The following ACCSL variants were observed in gnomAD, a reference collection of about 807,000 sequenced individuals.
ACCSL encodes the protein 1-aminocyclopropane-1-carboxylate synthase homolog (inactive) like, also known as probable inactive 1-aminocyclopropane-1-carboxylate synthase-like protein 2.
ACCSL carries 55 observed loss-of-function variants against 61.7 expected under a neutral mutation model. The observed-to-expected ratio is 0.89, with a 90% CI of 0.72 to 1.12. ACCSL has a LOEUF of 1.12. Among genes scored for constraint, ACCSL ranks in the 50% most tolerant of loss-of-function variants. The pLI is 0.00. For synonymous variants in ACCSL, 258 were observed against 264.3 expected, an observed-to-expected ratio of 0.98 and a Z score of 0.23; for missense variants, 632 against 698.0, an observed-to-expected ratio of 0.91 and a Z score of 1.07.
chr11:43,929,138 C>T, the ACCSL span, among the ~76,000 whole-genome samples: 1 of 152,260 alleles, frequency 6.6e-6, no homozygotes, highest in African/African-American at 2.4e-5. Flanking sequence ...CAAAATGTAT[C>T]CGTCTCAGTA....
the ACCSL span, among the ~76,000 whole-genome samples, chr11:43,935,446 A>T: frequency 0.018 from 2,786 of 152,286 alleles, 83 homozygotes; most frequent in African/African-American, 0.064. Context: ...CTGGCCTTGA[A>T]TGCTGGCTTC....
At chr11:43,967,164 C>CTTTTTTT in the ACCSL span, among the ~76,000 whole-genome samples, 1 of 68,882 alleles carries the variant, frequency 1.5e-5, no homozygotes, top group African/African-American at 6.0e-5. Flanking sequence ...TCTTCTTCTT[C>CTTTTTTT]TTCTTTTTTT....
At chr11:44,031,425 C>G in the ACCSL span, among the ~76,000 whole-genome samples, 1 of 152,094 alleles carries the variant, frequency 6.6e-6, no homozygotes, top group East Asian at 1.9e-4. Flanking sequence ...TGAAGATGCT[C>G]GTTTTTCCTA....
At chr11:44,052,801 T>C (rs1225962178) in intron 6 of ACCSL, 42 bp downstream of exon 6, 1 of 1,573,418 alleles carries the variant, frequency 6.4e-7, no homozygotes, top group Admixed American at 1.7e-5. Context: ...GCCTAGACAA[T>C]GGACTGTTCT....
the ACCSL span, among the ~76,000 whole-genome samples, chr11:44,003,531 T>A: frequency 4.1e-3 from 627 of 151,588 alleles, 6 homozygotes; most frequent in African/African-American, 0.014. Flanking sequence ...TGCATGCCTG[T>A]AATCGGGAGG....
the ACCSL span, among the ~76,000 whole-genome samples, chr11:43,961,701 T>TTCTCTCTCTCTCTC: frequency 1.4e-3 from 205 of 151,142 alleles, 1 homozygote; most frequent in Non-Finnish European, 1.8e-3. Context: ...TATTGTTTTG[T>TTCTCTCTCTCTCTC]TCTCTCTCTC....
At chr11:43,974,900 C>G in the ACCSL span, among the ~76,000 whole-genome samples, 3 of 152,126 alleles carry the variant, frequency 2.0e-5, no homozygotes, top group African/African-American at 7.2e-5. Flanking sequence ...AAAGAGCAGC[C>G]CCCAAATTCC....
the ACCSL span, among the ~76,000 whole-genome samples, chr11:44,005,878 G>A: frequency 6.6e-6 from 1 of 152,210 alleles, no homozygotes; most frequent in Non-Finnish European, 1.5e-5. Context: ...GGGTCAAATA[G>A]CTGCTAAGTG....
chr11:44,020,192 T>C, the ACCSL span, among the ~76,000 whole-genome samples: 1 of 152,228 alleles, frequency 6.6e-6, no homozygotes, highest in African/African-American at 2.4e-5. Context: ...CTGCAACTTG[T>C]TGCATGTTTA....
At chr11:44,005,435 G>A in the ACCSL span, among the ~76,000 whole-genome samples, 13 of 152,132 alleles carry the variant, frequency 8.5e-5, no homozygotes, top group Admixed American at 4.6e-4. Flanking sequence ...TATGGGGAGG[G>A]GAGCACTGAG....
At chr11:44,007,420 T>C in the ACCSL span, among the ~76,000 whole-genome samples, 1 of 152,178 alleles carries the variant, frequency 6.6e-6, no homozygotes, top group African/African-American at 2.4e-5. Flanking sequence ...CCATTGCTTC[T>C]GGGAAGCATC....
chr11:43,986,503 G>A, the ACCSL span, among the ~76,000 whole-genome samples: 1 of 152,104 alleles, frequency 6.6e-6, no homozygotes, highest in East Asian at 1.9e-4. Context: ...GCCTCCCTCT[G>A]CCCCCTCAGG....
chr11:44,007,590 C>T, the ACCSL span, among the ~76,000 whole-genome samples: 2 of 152,162 alleles, frequency 1.3e-5, no homozygotes, highest in African/African-American at 4.8e-5. Context: ...TGGGTCAGTC[C>T]AAGCAAAGGC....
the ACCSL span, among the ~76,000 whole-genome samples, chr11:43,960,581 C>T: frequency 6.6e-6 from 1 of 152,070 alleles, no homozygotes; most frequent in Admixed American, 6.5e-5. Flanking sequence ...GATGAGGTTT[C>T]ACCATGTTGG....
the ACCSL span, among the ~76,000 whole-genome samples, chr11:43,977,599 G>C: frequency 6.6e-6 from 1 of 152,214 alleles, no homozygotes; most frequent in Non-Finnish European, 1.5e-5. Flanking sequence ...ACCCATTTCA[G>C]ACTTCTGACC....
At chr11:44,046,343 C>A (rs532982495), upstream of ACCSL, among the ~76,000 whole-genome samples, 2 of 152,208 alleles carry the variant, frequency 1.3e-5, no homozygotes, top group Non-Finnish European at 2.9e-5. Context: ...CTGTCTATTG[C>A]TCCATCTTCC....
the ACCSL span, among the ~76,000 whole-genome samples, chr11:44,035,510 C>T: frequency 3.9e-5 from 6 of 152,226 alleles, 1 homozygote; most frequent in South Asian, 4.1e-4. Flanking sequence ...TTGGCATCTA[C>T]GGTATGCTCA....
the ACCSL span, among the ~76,000 whole-genome samples, chr11:44,018,618 C>G: frequency 2.0e-5 from 3 of 152,126 alleles, no homozygotes; most frequent in Admixed American, 1.3e-4. Flanking sequence ...AGACTTGGGT[C>G]CAGGATGATA....
the ACCSL span, among the ~76,000 whole-genome samples, chr11:43,998,410 A>G: frequency 3.3e-5 from 5 of 152,110 alleles, no homozygotes; most frequent in African/African-American, 4.8e-5. Context: ...CCATTTCATG[A>G]AAAAACCAGA....
Sources: allele counts gnomAD v4.1 joint callset (sites outside exome capture counted in the v4.1 genomes callset), GRCh38; gene constraint gnomAD v4.1.1; transcripts MANE v1.5; gene names NCBI Gene and HGNC (gene_info 2026-07-23, HGNC 2026-07-21).